MSR1: variants seen among roughly 807,000 people sequenced by gnomAD.
MSR1 encodes the protein macrophage scavenger receptor types I and II.
In MSR1, 53 loss-of-function variants were observed where a neutral mutation model predicts 47.2. That is an observed-to-expected ratio of 1.12 (90% confidence interval 0.90 to 1.41). The LOEUF is 1.41. MSR1 is among the 40% of genes most tolerant of loss of function. The pLI is 0.00. For synonymous variants in MSR1, 239 were observed against 185.6 expected, an observed-to-expected ratio of 1.29 and a Z score of -2.34; for missense variants, 786 against 546.9, an observed-to-expected ratio of 1.44 and a Z score of -4.36.
chr8:16,111,435 C>T (rs1003096940), intron 9 of MSR1, among the ~76,000 whole-genome samples: 12 of 152,050 alleles, frequency 7.9e-5, no homozygotes, highest in East Asian at 1.9e-4. Context: ...GTGATGCTTT[C>T]GAATTGTATT....
At chr8:16,145,464 T>A (rs1218790036) in intron 7 of MSR1, among the ~76,000 whole-genome samples, 2 of 152,084 alleles carry the variant, frequency 1.3e-5, no homozygotes, top group African/African-American at 2.4e-5. Context: ...CAACATTAAC[T>A]TCACAATGAG....
intron 1 of MSR1, among the ~76,000 whole-genome samples, chr8:16,188,373 G>C (rs1405769279): frequency 1.3e-5 from 2 of 151,934 alleles, no homozygotes; most frequent in Non-Finnish European, 2.9e-5. Context: ...TGAAACTCGA[G>C]TCTTTGGATG....
chr8:16,121,953 G>C (rs1257768462), intron 8 of MSR1, among the ~76,000 whole-genome samples: 1 of 151,822 alleles, frequency 6.6e-6, no homozygotes. Flanking sequence ...GCTTATTACT[G>C]TTTTAACAGT....
chr8:16,113,006 A>G (rs1799794925), intron 9 of MSR1, among the ~76,000 whole-genome samples: 1 of 145,100 alleles, frequency 6.9e-6, no homozygotes, highest in East Asian at 2.0e-4. Context: ...GCTGGAGTGC[A>G]ATGGCGTGAT....
chr8:16,140,436 G>A (rs1263961432), intron 8 of MSR1: 8 of 986,308 alleles, frequency 8.1e-6, no homozygotes, highest in Non-Finnish European at 8.4e-6. Context: ...ATGAGTTTTA[G>A]ATGGGATACT....
intron 6 of MSR1, among the ~76,000 whole-genome samples, chr8:16,153,342 G>A (rs995826364): frequency 6.6e-6 from 1 of 151,998 alleles, no homozygotes; most frequent in Non-Finnish European, 1.5e-5. Flanking sequence ...AATTCATTAG[G>A]AAAGATGCCT....
intron 2 of MSR1, among the ~76,000 whole-genome samples, chr8:16,175,667 A>C (rs1801624954): frequency 6.6e-6 from 1 of 152,218 alleles, no homozygotes; most frequent in Non-Finnish European, 1.5e-5. Flanking sequence ...GTGACAATAA[A>C]ATTTTCTAAA....
At chr8:16,127,706 G>C (rs368903800) in intron 8 of MSR1, among the ~76,000 whole-genome samples, 124 of 152,266 alleles carry the variant, frequency 8.1e-4, no homozygotes, top group Middle Eastern at 3.4e-3. Flanking sequence ...AAGAGAGAGC[G>C]AGACTGAGTC....
chr8:16,120,425 A>C lies in MSR1; in HGVS notation c.1215T>G (p.Phe405Leu), dbSNP rs1240648279. The C allele has an allele frequency of 6.2e-7, 1 of 1,613,836 alleles. No individual in the cohort carries two copies. ...GVQAVHKAAH[F>L]GQGTGPIWLN... ...AGATTTTCTTTAAATTACCTTGTCC[A>C]AAGTGAGCTGCCTTGTGCACGGCTT... is the stretch of plus-strand genomic sequence containing the variant. Residue 405 changes from phenylalanine (F) to leucine (L), a missense_variant, in exon 9 of 10, where the codon TTT becomes TTG. Phe to Leu is a conservative substitution (Grantham distance 22). Transcript: ENST00000262101.
chr8:16,155,920 C>T (rs1800993707), intron 5 of MSR1, among the ~76,000 whole-genome samples: 1 of 151,642 alleles, frequency 6.6e-6, no homozygotes, highest in Admixed American at 6.6e-5. Flanking sequence ...TTTCAGGTGG[C>T]TCTCCTGAGA....
At chr8:16,162,277 A>C (rs1291448075) in intron 5 of MSR1, among the ~76,000 whole-genome samples, 1 of 152,046 alleles carries the variant, frequency 6.6e-6, no homozygotes, top group African/African-American at 2.4e-5. Flanking sequence ...AATAACTGTC[A>C]ACCTAATAAG....
chr8:16,164,027 T>A lies in MSR1; in HGVS notation c.817+38A>T, dbSNP rs770735536. ...CTGCATGTATCAGTATATTTTAATA[T>A]ATATATCATTTTCTGGAGAAATGAC... is the stretch of plus-strand genomic sequence containing the variant. On this transcript the variant is annotated intron_variant, in intron 5 of 9. Transcript: ENST00000262101. The A allele has an allele frequency of 4.8e-6, 7 of 1,468,794 alleles. No individual in the cohort carries two copies. The African/African-American group carries it at 8.4e-5, about 18-fold the overall frequency. 91.0% of individuals were successfully genotyped at this position (1,468,794 alleles called of 1,614,324 possible).
chr8:16,177,975 T>C lies in MSR1; in HGVS notation c.14A>G (p.Asp5Gly), dbSNP rs550648056. MEQW[D>G]HFHNQQEDTD... ...GTCCTCCTGTTGATTGTGAAAGTGA[T>C]CCCACTGCTCCATACTTCTATGAAA... Residue 5 changes from aspartate to glycine, a missense_variant, in exon 2 of 10, where the codon GAT becomes GGT. Physicochemically the swap from Asp to Gly is moderately conservative, Grantham distance 94 (BLOSUM62 -1). Transcript: ENST00000262101. 1.2e-6 allele frequency: 2 copies of C among 1,613,604 alleles called. No homozygotes were observed. The highest frequency in any genetic ancestry group is 3.3e-5 in the Admixed American group (2 of 59,976).
At chr8:16,175,442 T>A in intron 2 of MSR1, 142 bp from the exon 3 acceptor site, 1 of 760,246 alleles carries the variant, frequency 1.3e-6, no homozygotes, top group Non-Finnish European at 2.1e-6. Flanking sequence ...ATCTTTGCAG[T>A]AGAAAGCAAA....
intron 3 of MSR1, among the ~76,000 whole-genome samples, chr8:16,171,182 CCACTG>C (rs1322665268): frequency 2.1e-5 from 3 of 144,242 alleles, no homozygotes; most frequent in African/African-American, 7.7e-5. Flanking sequence ...CGAGATTGTG[CCACTG>C]CACTGCACTC....
intron 1 of MSR1, among the ~76,000 whole-genome samples, chr8:16,190,231 T>C (rs967155779): frequency 6.6e-6 from 1 of 152,290 alleles, no homozygotes; most frequent in Admixed American, 6.5e-5. Context: ...TCTTTTAAAA[T>C]GTTTCTTTAG....
chr8:16,177,821 A>G (rs1801695348), intron 2 of MSR1, 65 bp downstream of exon 2: 2 of 1,312,414 alleles, frequency 1.5e-6, no homozygotes, highest in Non-Finnish European at 2.2e-6. Context: ...TCAAGACTAT[A>G]ATTTTATATT....
At chr8:16,186,362 A>C in intron 1 of MSR1, 2 of 629,666 alleles carry the variant, frequency 3.2e-6, no homozygotes, top group Non-Finnish European at 5.4e-6. Context: ...TATAATCTAG[A>C]AGGCTGATGA....
chr8:16,139,672 G>C (rs1404173805), intron 8 of MSR1: 22 of 969,128 alleles, frequency 2.3e-5, no homozygotes, highest in Non-Finnish European at 2.6e-5. Context: ...AAATGACCAG[G>C]TAATACATGA....
Sources: gnomAD v4.1 joint callset for allele counts (sites outside exome capture counted in the v4.1 genomes callset) on GRCh38, gnomAD v4.1.1 for gene constraint, MANE v1.5 for transcripts, NCBI Gene and HGNC (gene_info 2026-07-23, HGNC 2026-07-21) for gene names.